The following DZIP3 variants were observed in gnomAD, a reference collection of about 807,000 sequenced individuals.
DZIP3 encodes the protein E3 ubiquitin-protein ligase DZIP3.
Under a neutral mutation model 162.0 loss-of-function variants are expected in DZIP3, and 118 were observed. The ratio of observed to expected loss-of-function variants is 0.73; its 90% CI spans 0.63 to 0.85. The LOEUF (loss-of-function observed/expected upper bound fraction) is 0.85, where lower values mean the gene tolerates loss of function less well. Ranked by LOEUF, DZIP3 falls within the 40% of genes least tolerant of loss-of-function variation. DZIP3 has a pLI of 0.00. For missense variants in DZIP3, 1,331 were observed against 1,407.0 expected, an observed-to-expected ratio of 0.95 and a Z score of 0.86; for synonymous variants, 438 against 458.6, an observed-to-expected ratio of 0.96 and a Z score of 0.57.
At chr3:108,664,866 G>A (rs1943603107) in intron 21 of DZIP3, among the ~76,000 whole-genome samples, 1 of 152,188 alleles carries the variant, frequency 6.6e-6, no homozygotes, top group Non-Finnish European at 1.5e-5. Context: ...GACTGGGAGG[G>A]GAGCTGAACT....
At chr3:108,592,673 G>A (rs928107954) in intron 1 of DZIP3, among the ~76,000 whole-genome samples, 6 of 147,830 alleles carry the variant, frequency 4.1e-5, no homozygotes, top group Non-Finnish European at 8.9e-5. Flanking sequence ...TCCAGCCTGG[G>A]CAATGTGGGC....
rs1373511077 is a variant in DZIP3 at position 108,687,994 on chromosome 3, C to G, written c.3168C>G (p.Phe1056Leu). Reference protein sequence around the residue: ...PQQTRKELTDFLRKLKDAYGK... With the variant: ...PQQTRKELTDLLRKLKDAYGK... ...CTTGCAGAAAGGAACTTACAGATTT[C>G]TTACGGAAATTGAAGGATGCTTATG... The change falls in exon 29 of 33, where the codon TTC (phenylalanine) becomes TTG (leucine). Residue 1056 changes from phenylalanine (F) to leucine (L), a missense_variant. Physicochemically the swap from Phe to Leu is conservative, Grantham distance 22 (BLOSUM62 0). Coordinates refer to ENST00000361582, the MANE Select transcript of DZIP3 (RefSeq NM_014648.4). 1 of 1,613,578 alleles carries G rather than the reference C, an allele frequency of 6.2e-7. No individual in the cohort carries two copies. The highest frequency in any genetic ancestry group is 8.5e-7 in the Non-Finnish European group (1 of 1,179,782).
At chr3:108,604,793 A>C (rs1940237898) in intron 1 of DZIP3, among the ~76,000 whole-genome samples, 1 of 152,202 alleles carries the variant, frequency 6.6e-6, no homozygotes, top group Admixed American at 6.5e-5. Context: ...ATGGGAAATA[A>C]ATTAGTATAA....
chr3:108,675,751 A>C, intron 24 of DZIP3, 35 bp from the exon 25 acceptor site: 1 of 1,565,176 alleles, frequency 6.4e-7, no homozygotes, highest in Non-Finnish European at 8.6e-7. Context: ...TATAAAAAGA[A>C]AGAGTTTTCT....
At chr3:108,646,757 C>G (rs1305561368) in intron 15 of DZIP3, 108 bp downstream of exon 15, 1 of 884,234 alleles carries the variant, frequency 1.1e-6, no homozygotes, top group African/African-American at 1.8e-5. Flanking sequence ...TTGTGAAGAA[C>G]TTGGGCCAGG....
chr3:108,659,608 A>G (rs1364139004), intron 19 of DZIP3, among the ~76,000 whole-genome samples: 3 of 151,886 alleles, frequency 2.0e-5, no homozygotes, highest in South Asian at 2.1e-4. Context: ...CACCACTCCT[A>G]TTCAACATAG....
chr3:108,684,440 G>A (rs1388115310), intron 27 of DZIP3, 99 bp downstream of exon 27: 70 of 1,385,690 alleles, frequency 5.1e-5, no homozygotes, highest in Non-Finnish European at 6.5e-5. Context: ...CATTTGATAT[G>A]ATAATGATGG....
intron 22 of DZIP3, 26 bp downstream of exon 22, chr3:108,669,775 T>G: frequency 6.4e-7 from 1 of 1,555,414 alleles, no homozygotes; most frequent in Non-Finnish European, 8.9e-7. Flanking sequence ...TTTCTTTGGG[T>G]GCACTCTCTC....
intron 19 of DZIP3, among the ~76,000 whole-genome samples, chr3:108,658,029 A>G (rs898385577): frequency 6.7e-6 from 1 of 149,578 alleles, no homozygotes; most frequent in Non-Finnish European, 1.5e-5. Flanking sequence ...AGACTCCCAC[A>G]CAATAATCAT....
chr3:108,612,567 G>A (rs1003056094), intron 4 of DZIP3, among the ~76,000 whole-genome samples: 2 of 152,026 alleles, frequency 1.3e-5, no homozygotes, highest in African/African-American at 4.8e-5. Flanking sequence ...GTTAATTCCA[G>A]GACACCCCCG....
chr3:108,641,930 T>C (rs1942417336), intron 12 of DZIP3, among the ~76,000 whole-genome samples: 3 of 152,228 alleles, frequency 2.0e-5, no homozygotes, highest in Admixed American at 2.0e-4. Flanking sequence ...TTAGTCTAGT[T>C]AATACATTTT....
At chr3:108,593,178 G>C (rs1219465455) in intron 1 of DZIP3, among the ~76,000 whole-genome samples, 1 of 152,056 alleles carries the variant, frequency 6.6e-6, no homozygotes, top group Non-Finnish European at 1.5e-5. Context: ...TTGTTCTTGG[G>C]ATAATAATAG....
At chr3:108,603,333 A>G (rs1940138843) in intron 1 of DZIP3, 1 of 150,122 alleles carries the variant, frequency 6.7e-6, no homozygotes, top group Admixed American at 6.6e-5. Context: ...TAAAATCCTC[A>G]GTTATGTCTT....
chr3:108,592,045 T>C (rs891708034), intron 1 of DZIP3, among the ~76,000 whole-genome samples: 4 of 152,054 alleles, frequency 2.6e-5, no homozygotes, highest in Non-Finnish European at 5.9e-5. Flanking sequence ...AGCCTTAAAC[T>C]TGGACTCCAT....
intron 16 of DZIP3, 35 bp downstream of exon 16, chr3:108,648,147 C>T (rs1213916884): frequency 2.6e-6 from 4 of 1,548,200 alleles, no homozygotes; most frequent in Non-Finnish European, 3.5e-6. Flanking sequence ...GTTAGAAGAA[C>T]TTATTCTGGG....
chr3:108,631,400 A>G lies in DZIP3; in HGVS notation c.697-1553A>G, dbSNP rs543228928. 5.9e-5 allele frequency among the ~76,000 whole-genome samples: 9 copies of G among 151,866 alleles called. No individual in the cohort carries two copies. The South Asian group carries it at 1.7e-3, about 28-fold the overall frequency. ...TAGAATAATTTTTCTTTTCGGAGACAGGTTCTTGCTCTGTCACCCTGGGTG... is the reference window on the plus strand; with the variant it reads ...TAGAATAATTTTTCTTTTCGGAGACGGGTTCTTGCTCTGTCACCCTGGGTG... On this transcript the variant is annotated intron_variant, in intron 8 of 32. Coordinates refer to ENST00000361582, the MANE Select transcript of DZIP3 (RefSeq NM_014648.4).
chr3:108,636,824 T>TA, intron 11 of DZIP3, 116 bp downstream of exon 11: 1 of 694,646 alleles, frequency 1.4e-6, no homozygotes, highest in South Asian at 1.8e-5. Context: ...ATATTGCCTT[T>TA]AATGGTGACT....
chr3:108,624,460 T>C lies in DZIP3; in HGVS notation c.392T>C (p.Ile131Thr), dbSNP rs1252915601. The C allele has an allele frequency of 1.9e-6, 3 of 1,593,448 alleles. No individual in the cohort carries two copies. The highest frequency in any genetic ancestry group is 2.6e-6 in the Non-Finnish European group (3 of 1,165,378). The change falls in exon 6 of 33, where the codon ATT (isoleucine) becomes ACT (threonine). Residue 131 changes from isoleucine (I) to threonine (T), a missense_variant. Transcript: ENST00000361582. ...AGNYTAHQIN[I>T]GYYLTLLFLY... is the part of the protein sequence containing the mutation. ...TCTTTGTAGGCACACCAGATTAATATTGGTTATTATTTGACATTACTGTTT... is the reference window on the plus strand; with the variant it reads ...TCTTTGTAGGCACACCAGATTAATACTGGTTATTATTTGACATTACTGTTT...
At chr3:108,603,408 C>G (rs1940143683) in intron 1 of DZIP3, among the ~76,000 whole-genome samples, 1 of 152,090 alleles carries the variant, frequency 6.6e-6, no homozygotes, top group South Asian at 2.1e-4. Context: ...AAGGTTTATT[C>G]AACCTCTCTG....
Sources: allele counts gnomAD v4.1 joint callset (sites outside exome capture counted in the v4.1 genomes callset), GRCh38; gene constraint gnomAD v4.1.1; transcripts MANE v1.5; gene names NCBI Gene and HGNC (gene_info 2026-07-23, HGNC 2026-07-21).